Variants in ADK observed in about 807,000 individuals in gnomAD.
ADK encodes adenosine kinase, also known as N6,N6-dimethyladenosine kinase.
In ADK, 24 loss-of-function variants were observed where a neutral mutation model predicts 44.7. The observed-to-expected ratio is 0.54, with a 90% CI of 0.39 to 0.76. The LOEUF (loss-of-function observed/expected upper bound fraction) is 0.76. ADK is among the 30% of genes least tolerant of loss of function. The pLI is 0.00. For synonymous variants in ADK, 128 were observed against 142.6 expected (o/e 0.90, Z 0.73); for missense variants, 321 against 425.1 (o/e 0.76, Z 2.15).
At chr10:74,467,152 C>T (rs1212400360) in intron 6 of ADK, among the ~76,000 whole-genome samples, 1 of 152,016 alleles carries the variant, frequency 6.6e-6, no homozygotes, top group Non-Finnish European at 1.5e-5. Flanking sequence ...TTATATTAAA[C>T]TATTACAATG....
chr10:74,610,144 T>C (rs1391604497), intron 9 of ADK, among the ~76,000 whole-genome samples: 2 of 152,058 alleles, frequency 1.3e-5, no homozygotes, highest in Non-Finnish European at 2.9e-5. Context: ...TTATTCACAA[T>C]AACCAAAAGG....
intron 7 of ADK, among the ~76,000 whole-genome samples, chr10:74,575,663 G>T (rs1302076080): frequency 6.6e-6 from 1 of 152,182 alleles, no homozygotes; most frequent in Non-Finnish European, 1.5e-5. Context: ...AAAAGATCTG[G>T]CTGGAAAGGA....
chr10:74,697,728 T>A (rs1856259506), intron 10 of ADK, among the ~76,000 whole-genome samples: 1 of 152,182 alleles, frequency 6.6e-6, no homozygotes. Context: ...CAATATTTCT[T>A]GATTCTCTGT....
At chr10:74,413,677 G>A (rs559914101) in intron 6 of ADK, among the ~76,000 whole-genome samples, 24 of 152,278 alleles carry the variant, frequency 1.6e-4, no homozygotes, top group South Asian at 6.2e-4. Flanking sequence ...TTATTCATGC[G>A]TTCACTGGAG....
At chr10:74,389,350 C>T (rs939021017) in intron 4 of ADK, among the ~76,000 whole-genome samples, 1 of 152,002 alleles carries the variant, frequency 6.6e-6, no homozygotes, top group Non-Finnish European at 1.5e-5. Flanking sequence ...GGCAGACATG[C>T]ATTAAATGTT....
intron 4 of ADK, among the ~76,000 whole-genome samples, chr10:74,325,856 CT>C (rs1292064656): frequency 4.7e-5 from 7 of 147,896 alleles, no homozygotes; most frequent in East Asian, 2.0e-4. Context: ...AATGTGCTGG[CT>C]TTTTTTTTTC....
chr10:74,539,380 C>G (rs1370021613), intron 7 of ADK, among the ~76,000 whole-genome samples: 1 of 152,174 alleles, frequency 6.6e-6, no homozygotes, highest in Non-Finnish European at 1.5e-5. Context: ...GAATTCAAGA[C>G]TGTTACCTAG....
intron 6 of ADK, among the ~76,000 whole-genome samples, chr10:74,434,260 G>A (rs1845107005): frequency 6.6e-6 from 1 of 152,092 alleles, no homozygotes; most frequent in Admixed American, 6.5e-5. Flanking sequence ...TGTCTAAAAT[G>A]ACTGATGGAT....
intron 7 of ADK, among the ~76,000 whole-genome samples, chr10:74,573,304 G>T (rs1851041526): frequency 6.6e-6 from 1 of 152,170 alleles, no homozygotes; most frequent in South Asian, 2.1e-4. Flanking sequence ...AGCAGCGGTG[G>T]CTGCAGAACA....
intron 2 of ADK, among the ~76,000 whole-genome samples, chr10:74,210,056 G>A (rs751422048): frequency 5.3e-5 from 8 of 152,038 alleles, no homozygotes; most frequent in African/African-American, 1.4e-4. Context: ...TTGGCTGGGC[G>A]CGGTGGCTCA....
At chr10:74,584,221 C>T (rs77385785) in intron 7 of ADK, among the ~76,000 whole-genome samples, 2,607 of 152,266 alleles carry the variant, frequency 0.017, 77 homozygotes, top group African/African-American at 0.06. Context: ...CTCTGACACT[C>T]ATTTGTTTAT....
intron 10 of ADK, among the ~76,000 whole-genome samples, chr10:74,704,122 AC>A (rs1252655457): frequency 1.3e-5 from 2 of 152,356 alleles, no homozygotes; most frequent in South Asian, 4.1e-4. Context: ...TATATGAGGT[AC>A]CTAGAATAGG....
intron 6 of ADK, among the ~76,000 whole-genome samples, chr10:74,484,223 G>A (rs1847186943): frequency 6.6e-6 from 1 of 152,182 alleles, no homozygotes; most frequent in Admixed American, 6.5e-5. Flanking sequence ...AGAAGGGGAA[G>A]CAGGCACATC....
chr10:74,486,368 A>G (rs1435925077), intron 6 of ADK, among the ~76,000 whole-genome samples: 9 of 152,172 alleles, frequency 5.9e-5, no homozygotes, highest in Non-Finnish European at 1.3e-4. Flanking sequence ...CTTGGGCAGT[A>G]CTTTATAACC....
At chr10:74,238,426 A>G (rs751795438) in intron 3 of ADK, among the ~76,000 whole-genome samples, 8 of 152,234 alleles carry the variant, frequency 5.3e-5, no homozygotes, top group Admixed American at 1.3e-4. Context: ...TCCTGGGAAC[A>G]CAGGAACCAG....
chr10:74,522,815 C>T (rs1188558855), intron 6 of ADK, among the ~76,000 whole-genome samples: 1 of 152,042 alleles, frequency 6.6e-6, no homozygotes, highest in Non-Finnish European at 1.5e-5. Context: ...TTCCAGTGCT[C>T]CCACTTCCTC....
At chr10:74,419,172 T>C (rs1844471229) in intron 6 of ADK, among the ~76,000 whole-genome samples, 1 of 152,190 alleles carries the variant, frequency 6.6e-6, no homozygotes, top group African/African-American at 2.4e-5. Flanking sequence ...GAGTCTTGTA[T>C]TTACACTCTA....
At chr10:74,551,142 C>A (rs916672134) in intron 7 of ADK, among the ~76,000 whole-genome samples, 2 of 152,164 alleles carry the variant, frequency 1.3e-5, no homozygotes, top group Non-Finnish European at 2.9e-5. Context: ...CACATACAGT[C>A]ATACAGTTAC....
intron 4 of ADK, among the ~76,000 whole-genome samples, chr10:74,385,215 G>A (rs1034199574): frequency 6.6e-6 from 1 of 152,168 alleles, no homozygotes; most frequent in East Asian, 1.9e-4. Flanking sequence ...GACTTTTATA[G>A]TAGTCTAATT....
Sources: gnomAD v4.1 joint callset for allele counts (sites outside exome capture counted in the v4.1 genomes callset) on GRCh38, gnomAD v4.1.1 for gene constraint, MANE v1.5 for transcripts, NCBI Gene and HGNC (gene_info 2026-07-23, HGNC 2026-07-21) for gene names.